Variants in JADE1 observed in about 807,000 individuals in gnomAD.
The protein encoded by JADE1 is jade family PHD finger 1.
A neutral mutation model predicts 81.8 loss-of-function variants in JADE1; 14 were observed. The observed-to-expected ratio is 0.17, with a 90% CI of 0.11 to 0.27. JADE1 has a LOEUF of 0.27. JADE1 is among the 10% of genes least tolerant of loss of function. JADE1 has a pLI of 1.00. For synonymous variants in JADE1, 353 were observed against 391.9 expected (o/e 0.90, Z 1.17); for missense variants, 690 against 1,047.9 (o/e 0.66, Z 4.71).
rs1730751195 is a variant in JADE1 at position 128,855,869 on chromosome 4, AGTGCAGTGAGCTGGAT to A, written c.864+73_864+88del. Reference sequence around the variant, plus strand: ...AGTTTAACTCTGTCGCCCAGGCTGGAGTGCAGTGAGCTGGATCATGGCTCACTGCAGCCTTGACCTG... The same window carrying A: ...AGTTTAACTCTGTCGCCCAGGCTGGACATGGCTCACTGCAGCCTTGACCTG... On this transcript the variant is annotated intron_variant, in intron 7 of 10. Coordinates refer to ENST00000226319, the MANE Select transcript of JADE1 (RefSeq NM_199320.4). 13 of 1,368,648 alleles carry A rather than the reference AGTGCAGTGAGCTGGAT, an allele frequency of 9.5e-6. No homozygotes were observed. The Admixed American group carries it at 2.8e-4, about 29-fold the overall frequency. 84.8% of individuals were successfully genotyped at this position (1,368,648 alleles called of 1,614,324 possible).
intron 3 of JADE1, among the ~76,000 whole-genome samples, chr4:128,844,140 C>CTTT (rs1196931593): frequency 1.4e-4 from 21 of 152,104 alleles, no homozygotes; most frequent in Non-Finnish European, 2.9e-4. Context: ...TGTCTGTAAC[C>CTTT]CCCAAAATAC....
chr4:128,812,210 A>C (rs145472980), intron 1 of JADE1, among the ~76,000 whole-genome samples: 1 of 151,836 alleles, frequency 6.6e-6, no homozygotes, highest in Non-Finnish European at 1.5e-5. Flanking sequence ...CGCCACGAGA[A>C]GGTGTCATCA....
At position 128,874,186 on chromosome 4, in the gene JADE1, C is replaced by CA. The variant is rs776074466; in HGVS notation, c.*1929dup. Reference sequence around the variant, plus strand: ...AAATTAGATTTTTTTTGCATATGAGCAAAAACCTTTTGCTGGATACAGGAG... The same window carrying CA: ...AAATTAGATTTTTTTTGCATATGAGCAAAAAACCTTTTGCTGGATACAGGAG... On this transcript the variant is annotated 3_prime_UTR_variant, in exon 11 of 11. Transcript: ENST00000226319. The CA allele has an allele frequency of 2.0e-5, 3 of 152,398 alleles. No individual in the cohort carries two copies. Among genetic ancestry groups the CA allele is most frequent in the Admixed American group, 6.6e-5 (1 of 15,266 alleles). The allele number at this position is 152,398 out of a possible 1,614,324, so 9.4% of individuals were successfully genotyped here. A position where few individuals can be genotyped will look rare whatever the true frequency, so the allele number is the denominator to read the frequency against.
intron 10 of JADE1, among the ~76,000 whole-genome samples, chr4:128,868,328 A>C (rs1180779540): frequency 6.6e-6 from 1 of 152,226 alleles, no homozygotes; most frequent in Non-Finnish European, 1.5e-5. Context: ...GTACTTGGTA[A>C]ACACATCATG....
At chr4:128,868,982 T>C (rs1418135885) in intron 10 of JADE1, among the ~76,000 whole-genome samples, 1 of 152,220 alleles carries the variant, frequency 6.6e-6, no homozygotes, top group African/African-American at 2.4e-5. Context: ...TGTCACTCCA[T>C]CTAGATTATT....
Position 128,871,344 on chromosome 4 carries a change from T to A in JADE1, c.1622-11T>A. On this transcript the variant is annotated splice_polypyrimidine_tract_variant and intron_variant, in intron 10 of 10. Coordinates refer to ENST00000226319, the MANE Select transcript of JADE1 (RefSeq NM_199320.4). This position sits in a 1 kb window ranked among gnomAD's most constrained non-coding sequence, Gnocchi z 4.1. ...TGTAATTTTTCTTTATTTGTGGTTT[T>A]ATGTTTATAGGTGTGCCTTCTTCCT... is the stretch of plus-strand genomic sequence containing the variant. 2 of 1,593,158 alleles carry A rather than the reference T, an allele frequency of 1.3e-6. No homozygotes were observed.
At chr4:128,847,316 G>C (rs1025230995) in intron 4 of JADE1, among the ~76,000 whole-genome samples, 2 of 152,228 alleles carry the variant, frequency 1.3e-5, no homozygotes, top group African/African-American at 4.8e-5. Context: ...TCCACGCTGA[G>C]TCATTACTGA....
At chr4:128,839,243 T>G (rs1329484960) in intron 2 of JADE1, among the ~76,000 whole-genome samples, 1 of 152,186 alleles carries the variant, frequency 6.6e-6, no homozygotes, top group African/African-American at 2.4e-5. Context: ...TGAGAAGGAA[T>G]AGATCACCAG....
In JADE1 at chr4:128,844,363, C is replaced by T. The variant is rs537867395; in HGVS notation, c.138+1325C>T. ...CCTACATTTTGGTCCAGATGTTTTT[C>T]TCAACCCTGAGTCCAAACTATATGT... On this transcript the variant is annotated intron_variant, in intron 3 of 10. Transcript: ENST00000226319. Among the ~76,000 whole-genome samples, 6 of 152,282 alleles carry T rather than the reference C, an allele frequency of 3.9e-5. No individual in the cohort carries two copies. The South Asian group carries it at 1.2e-3, about 32-fold the overall frequency.
At chr4:128,850,710 T>C (rs1216304106) in intron 5 of JADE1, among the ~76,000 whole-genome samples, 1 of 152,222 alleles carries the variant, frequency 6.6e-6, no homozygotes, top group Admixed American at 6.5e-5. Flanking sequence ...AAGCACATTA[T>C]AAAGACCAGT....
rs761149349 is a variant in JADE1, at chr4:128,872,572, G to T, written c.*310G>T. 73 of 299,852 alleles carry T rather than the reference G, an allele frequency of 2.4e-4. No individual in the cohort carries two copies. Among genetic ancestry groups the T allele is most frequent in the Non-Finnish European group, 4.0e-4 (63 of 158,686 alleles). 18.6% of individuals were successfully genotyped at this position (299,852 alleles called of 1,614,324 possible). On this transcript the variant is annotated 3_prime_UTR_variant, in exon 11 of 11. Transcript: ENST00000226319. ...AAGGCAAGGCTTAAATAAGCCTCATGAATTTTTATAGCCCTCTGCATTCTT... is the reference window on the plus strand; with the variant it reads ...AAGGCAAGGCTTAAATAAGCCTCATTAATTTTTATAGCCCTCTGCATTCTT...
intron 1 of JADE1, among the ~76,000 whole-genome samples, chr4:128,810,706 A>G: frequency 8.8e-6 from 1 of 113,614 alleles, no homozygotes. Flanking sequence ...CAAAATATTC[A>G]TTGCATCAAT....
Position 128,861,919 on chromosome 4 carries a change from C to T in JADE1, c.1197C>T (p.Pro399=), listed in dbSNP as rs753428692. ...PECSPRNPLE[P]FASLEQNREE... ...GTTCCCCCCGGAATCCGCTGGAGCC[C>T]TTTGCCAGCCTTGAGCAGAACCGGG... The change falls in exon 9 of 11, where the codon CCC becomes CCT. Residue 399 remains proline, a synonymous_variant. Coordinates refer to ENST00000226319, the MANE Select transcript of JADE1 (RefSeq NM_199320.4). The T allele has an allele frequency of 1.2e-6, 2 of 1,613,964 alleles. No homozygotes were observed. The highest frequency in any genetic ancestry group is 1.7e-6 in the Non-Finnish European group (2 of 1,179,950).
chr4:128,815,046 G>T (rs1311840707), intron 1 of JADE1, among the ~76,000 whole-genome samples: 1 of 148,754 alleles, frequency 6.7e-6, no homozygotes, highest in Non-Finnish European at 1.5e-5. Context: ...TTAATCTTAA[G>T]TAACTTTTTT....
intron 1 of JADE1, chr4:128,810,182 C>T (rs1726213589): frequency 6.6e-6 from 1 of 152,096 alleles, no homozygotes; most frequent in South Asian, 2.1e-4. Context: ...GAGGCAGCCG[C>T]TGAGCGCAGC....
intron 1 of JADE1, among the ~76,000 whole-genome samples, chr4:128,823,604 T>G (rs1203462181): frequency 6.6e-6 from 1 of 152,228 alleles, no homozygotes; most frequent in Admixed American, 6.5e-5. Flanking sequence ...GGGCCAGCAT[T>G]TTCCTTAAAT....
chr4:128,812,358 G>A (rs2125778607), intron 1 of JADE1, among the ~76,000 whole-genome samples: 1 of 151,626 alleles, frequency 6.6e-6, no homozygotes, highest in Admixed American at 6.6e-5. Context: ...CGGAACCGCG[G>A]CCCTGCGCAT....
intron 9 of JADE1, chr4:128,862,845 C>G (rs1454367777): frequency 1.4e-5 from 14 of 989,646 alleles, no homozygotes; most frequent in Non-Finnish European, 1.7e-5. Flanking sequence ...ATGCATATAT[C>G]TGTTACAGAA....
intron 6 of JADE1, among the ~76,000 whole-genome samples, chr4:128,854,278 C>T (rs1053464180): frequency 1.3e-5 from 2 of 152,090 alleles, no homozygotes; most frequent in Admixed American, 6.5e-5. Context: ...ATCACCTTTT[C>T]TCTTTTCCTC....
Sources: gnomAD v4.1 joint callset for allele counts (sites outside exome capture counted in the v4.1 genomes callset) on GRCh38, gnomAD v4.1.1 for gene constraint, Gnocchi (gnomAD v3.1) non-coding constraint, MANE v1.5 for transcripts, NCBI Gene and HGNC (gene_info 2026-07-23, HGNC 2026-07-21) for gene names.